Variants in PTPRO observed in about 807,000 individuals in gnomAD.
PTPRO encodes the protein protein tyrosine phosphatase receptor type O.
PTPRO carries 62 observed loss-of-function variants against 145.2 expected under a neutral mutation model. The observed-to-expected ratio is 0.43, with a 90% CI of 0.35 to 0.53. The LOEUF (loss-of-function observed/expected upper bound fraction) is 0.53. PTPRO is among the 20% of genes least tolerant of loss of function. PTPRO has a pLI of 0.01. For synonymous variants in PTPRO, 565 were observed against 514.7 expected (o/e 1.10, Z -1.32); for missense variants, 1,345 against 1,482.7 (o/e 0.91, Z 1.53).
At chr12:15,564,389 A>G (rs1407892876) in intron 17 of PTPRO, among the ~76,000 whole-genome samples, 1 of 152,206 alleles carries the variant, frequency 6.6e-6, no homozygotes, top group Non-Finnish European at 1.5e-5. Flanking sequence ...AGAGGGTAAC[A>G]TGGCAGAGAT....
intron 1 of PTPRO, among the ~76,000 whole-genome samples, chr12:15,369,264 T>C (rs1938453130): frequency 1.3e-5 from 2 of 152,176 alleles, no homozygotes; most frequent in South Asian, 2.1e-4. Context: ...TACCCTATGA[T>C]TAAAAGCAAT....
intron 1 of PTPRO, among the ~76,000 whole-genome samples, chr12:15,408,572 C>T (rs188268669): frequency 2.0e-5 from 3 of 152,056 alleles, no homozygotes; most frequent in Admixed American, 6.6e-5. Context: ...GGACTACAGG[C>T]GCCCACCACC....
intron 15 of PTPRO, 83 bp downstream of exon 15, chr12:15,551,754 A>G (rs1783097385): frequency 1.4e-6 from 2 of 1,458,904 alleles, no homozygotes; most frequent in African/African-American, 2.8e-5. Flanking sequence ...TGCACACCTA[A>G]GTTGTATAGC....
At chr12:15,468,007 C>G (rs1316611176) in intron 1 of PTPRO, among the ~76,000 whole-genome samples, 1 of 152,202 alleles carries the variant, frequency 6.6e-6, no homozygotes, top group African/African-American at 2.4e-5. Flanking sequence ...GCCCCTTCTT[C>G]ATCCCAGCAT....
At chr12:15,485,763 A>G (rs1007320885) in intron 2 of PTPRO, among the ~76,000 whole-genome samples, 1 of 152,104 alleles carries the variant, frequency 6.6e-6, no homozygotes, top group Non-Finnish European at 1.5e-5. Flanking sequence ...CTAGAATATC[A>G]CTTAGCATTT....
At chr12:15,330,299 T>C (rs1344974243) in intron 1 of PTPRO, among the ~76,000 whole-genome samples, 1 of 152,166 alleles carries the variant, frequency 6.6e-6, no homozygotes, top group Non-Finnish European at 1.5e-5. Flanking sequence ...GAAAAATAGC[T>C]ACATTGGCAA....
chr12:15,402,325 T>G (rs1340406553), intron 1 of PTPRO, among the ~76,000 whole-genome samples: 2 of 151,916 alleles, frequency 1.3e-5, no homozygotes, highest in African/African-American at 4.8e-5. Context: ...GAGGCAGAGA[T>G]TGCAGTGAGC....
At chr12:15,441,400 G>A (rs868008345) in intron 1 of PTPRO, among the ~76,000 whole-genome samples, 4 of 151,722 alleles carry the variant, frequency 2.6e-5, no homozygotes, top group African/African-American at 7.3e-5. Flanking sequence ...ACCTCAAAGA[G>A]TTAGAAAGAT....
intron 1 of PTPRO, among the ~76,000 whole-genome samples, chr12:15,331,967 T>C (rs1191318746): frequency 4.9e-5 from 7 of 144,246 alleles, no homozygotes; most frequent in African/African-American, 1.0e-4. Flanking sequence ...TCTTTCTTTT[T>C]TTTTTTTTTT....
chr12:15,486,297 C>T (rs1045605548), intron 2 of PTPRO, among the ~76,000 whole-genome samples: 1 of 152,192 alleles, frequency 6.6e-6, no homozygotes, highest in African/African-American at 2.4e-5. Context: ...TAATGTCCCT[C>T]TATATTCCAA....
At chr12:15,534,479 C>G (rs772608744) in intron 12 of PTPRO, among the ~76,000 whole-genome samples, 1 of 152,152 alleles carries the variant, frequency 6.6e-6, no homozygotes, top group Non-Finnish European at 1.5e-5. Context: ...GCTACTTTCA[C>G]TTTCTGTTCA....
rs192212919 is a variant in PTPRO, at chr12:15,518,389, C to T, written c.1779+1433C>T. Among the ~76,000 whole-genome samples the T allele has an allele frequency of 6.4e-3, 973 of 152,328 alleles. 6 individuals are homozygous for T. The highest frequency in any genetic ancestry group is 0.01 in the Non-Finnish European group (683 of 68,022). ...ACATTTTCCTCCCAGGCCTCCAGGC[C>T]TGTGATGGGAGGGGCTTCCATGAAG... On this transcript the variant is annotated intron_variant, in intron 9 of 26. Coordinates refer to ENST00000281171, the MANE Select transcript of PTPRO (RefSeq NM_030667.3).
chr12:15,499,137 C>G (rs900202809), intron 3 of PTPRO, among the ~76,000 whole-genome samples: 1 of 152,084 alleles, frequency 6.6e-6, no homozygotes, highest in Admixed American at 6.6e-5. Flanking sequence ...GTAAACTTAA[C>G]CTCTACAATT....
intron 1 of PTPRO, among the ~76,000 whole-genome samples, chr12:15,328,486 GT>G (rs1296357762): frequency 2.0e-5 from 3 of 152,036 alleles, no homozygotes; most frequent in Non-Finnish European, 4.4e-5. Context: ...CTGATAAAAG[GT>G]TTTTTTCTTT....
At chr12:15,476,479 G>A (rs1198734335) in intron 1 of PTPRO, among the ~76,000 whole-genome samples, 1 of 151,530 alleles carries the variant, frequency 6.6e-6, no homozygotes, top group African/African-American at 2.4e-5. Flanking sequence ...TTTGTCAGAT[G>A]AGTAGGTTGC....
chr12:15,504,137 A>G (rs1378941090), intron 6 of PTPRO, 68 bp downstream of exon 6: 13 of 1,477,226 alleles, frequency 8.8e-6, no homozygotes, highest in Non-Finnish European at 9.4e-6. Flanking sequence ...GGGATTAATG[A>G]TGCTCAGATG....
At chr12:15,367,831 G>A (rs867888386) in intron 1 of PTPRO, among the ~76,000 whole-genome samples, 21 of 152,096 alleles carry the variant, frequency 1.4e-4, no homozygotes, top group African/African-American at 3.9e-4. Context: ...TGGACCTGAC[G>A]GGCTGTTGTT....
rs1386799447 is a variant in PTPRO at position 15,499,454 on chromosome 12, G to A, written c.521G>A (p.Gly174Glu). ...TTTCTCTTCACAGATTTCTTTAAGG[G>A]AAAAACAGTATTTAATCACTGGCTG... is the stretch of plus-strand genomic sequence containing the variant. ...RTMLYKDFFK[G>E]KTVFNHWLPG... Residue 174 changes from glycine (G) to glutamate (E), a missense_variant, in exon 4 of 27, where the codon GGA becomes GAA. This residue lies in a region of PTPRO where 1,130 missense variants were observed against 1,214.7 expected (regional missense o/e 0.93). Transcript: ENST00000281171. 3.7e-6 allele frequency: 6 copies of A among 1,613,218 alleles called. No individual in the cohort carries two copies. In the East Asian group the frequency reaches 1.1e-4, roughly 30 times the overall value.
intron 23 of PTPRO, 103 bp downstream of exon 23, chr12:15,581,904 A>G: frequency 7.0e-7 from 1 of 1,436,030 alleles, no homozygotes; most frequent in Non-Finnish European, 9.6e-7. Flanking sequence ...GGAATTACAG[A>G]CACACACACA....
Sources: allele counts gnomAD v4.1 joint callset (sites outside exome capture counted in the v4.1 genomes callset), GRCh38; gene constraint gnomAD v4.1.1; regional missense constraint gnomAD v4.1.1; transcripts MANE v1.5; gene names NCBI Gene and HGNC (gene_info 2026-07-23, HGNC 2026-07-21).